Variants in SASH1 observed in about 807,000 individuals in gnomAD.
SASH1 encodes the protein SAM and SH3 domain containing 1.
SASH1 carries 44 observed loss-of-function variants against 125.2 expected under a neutral mutation model. The observed-to-expected ratio is 0.35, with a 90% CI of 0.28 to 0.45. The LOEUF is 0.45. SASH1 is among the 20% of genes least tolerant of loss of function. The probability of loss-of-function intolerance (pLI) is 1.00; values close to 1 mark genes in which losing one functional copy is unlikely to be tolerated. For missense variants in SASH1, 1,426 were observed against 1,614.5 expected, an observed-to-expected ratio of 0.88 and a Z score of 2.00; for synonymous variants, 639 against 649.1, an observed-to-expected ratio of 0.98 and a Z score of 0.24.
chr6:148,265,635 A>C, the SASH1 span, among the ~76,000 whole-genome samples: 1 of 152,314 alleles, frequency 6.6e-6, no homozygotes, highest in East Asian at 1.9e-4. Context: ...AGCATTGATT[A>C]ATGTTCCAAC....
chr6:148,411,166 CAAAAAAAAAAAAA>C lies in SASH1; in HGVS notation c.285+20922_285+20934del, dbSNP rs56342457. On this transcript the variant is annotated intron_variant, in intron 2 of 19. Coordinates refer to ENST00000367467, the MANE Select transcript of SASH1 (RefSeq NM_015278.5). ...TACAACAAGAGCGAAACTCCATCTC[CAAAAAAAAAAAAA>C]AAAAAAAAAAAAAAAAAGGCCTTCC... 0.014 allele frequency among the ~76,000 whole-genome samples: 628 copies of C among 46,216 alleles called. 45 individuals carry two copies. The East Asian group carries it at 0.23, about 17-fold the overall frequency. 30.3% of individuals were successfully genotyped at this position (46,216 alleles called of 152,430 possible).
At chr6:148,402,847 G>C (rs953701215) in intron 2 of SASH1, among the ~76,000 whole-genome samples, 2 of 151,976 alleles carry the variant, frequency 1.3e-5, no homozygotes, top group Non-Finnish European at 2.9e-5. Flanking sequence ...CTGACCTCGT[G>C]ATCTGCCTGT....
intron 1 of SASH1, among the ~76,000 whole-genome samples, chr6:148,327,992 C>T (rs1410852929): frequency 6.7e-6 from 1 of 149,934 alleles, no homozygotes; most frequent in African/African-American, 2.5e-5. Context: ...AAAAAGTAAA[C>T]TGAGTGGCAA....
chr6:148,539,019 G>A (rs1284341991), intron 16 of SASH1, among the ~76,000 whole-genome samples: 2 of 151,834 alleles, frequency 1.3e-5, no homozygotes, highest in African/African-American at 2.4e-5. Flanking sequence ...TGCTGCTAGG[G>A]TGTTGAAGGC....
At chr6:148,363,210 C>A (rs1057137451) in intron 1 of SASH1, among the ~76,000 whole-genome samples, 1 of 152,224 alleles carries the variant, frequency 6.6e-6, no homozygotes, top group Non-Finnish European at 1.5e-5. Flanking sequence ...GTCCTCAATC[C>A]TTTGAATGCA....
At chr6:148,368,796 G>A (rs1044968253) in intron 1 of SASH1, among the ~76,000 whole-genome samples, 6 of 17,934 alleles carry the variant, frequency 3.3e-4, no homozygotes, top group Non-Finnish European at 5.7e-4. Context: ...ACACACACAC[G>A]GGGTTCTATT....
At chr6:148,535,640 C>T (rs1781797494) in intron 16 of SASH1, among the ~76,000 whole-genome samples, 1 of 152,206 alleles carries the variant, frequency 6.6e-6, no homozygotes, top group Non-Finnish European at 1.5e-5. Context: ...ACTGAGCTCA[C>T]AGCTTTTATG....
At chr6:148,266,122 A>G in the SASH1 span, among the ~76,000 whole-genome samples, 1 of 151,950 alleles carries the variant, frequency 6.6e-6, no homozygotes, top group Non-Finnish European at 1.5e-5. Context: ...GCAGGTGCCC[A>G]CCACCACGCC....
rs972059412 is a variant in SASH1, at chr6:148,540,619, T to C, written c.2209+63T>C. On this transcript the variant is annotated intron_variant, in intron 17 of 19. Coordinates refer to ENST00000367467, the MANE Select transcript of SASH1 (RefSeq NM_015278.5). ...AAGTACTGATTTCAAAGCACAGTTTTCTGCAAAAGGACGATTCTATTCCTG... is the reference window on the plus strand; with the variant it reads ...AAGTACTGATTTCAAAGCACAGTTTCCTGCAAAAGGACGATTCTATTCCTG... The C allele has an allele frequency of 3.8e-5, 47 of 1,234,088 alleles. No homozygotes were observed. In the East Asian group the frequency reaches 9.7e-4, roughly 25 times the overall value. 76.4% of individuals were successfully genotyped at this position (1,234,088 alleles called of 1,614,324 possible). A position where few individuals can be genotyped will look rare whatever the true frequency, so the allele number is the denominator to read the frequency against.
chr6:148,384,346 CT>C (rs1783271996), intron 1 of SASH1, among the ~76,000 whole-genome samples: 1 of 152,108 alleles, frequency 6.6e-6, no homozygotes, highest in South Asian at 2.1e-4. Flanking sequence ...AAGCAATAAA[CT>C]CCAGACCAGA....
chr6:148,371,012 G>C (rs1202850914), intron 1 of SASH1, among the ~76,000 whole-genome samples: 4 of 152,176 alleles, frequency 2.6e-5, no homozygotes, highest in Non-Finnish European at 5.9e-5. Context: ...CCAGTGCCTT[G>C]TGCTTACTGT....
At chr6:148,292,582 A>T (rs1331088589) in intron 1 of SASH1, among the ~76,000 whole-genome samples, 1 of 151,988 alleles carries the variant, frequency 6.6e-6, no homozygotes, top group Non-Finnish European at 1.5e-5. Context: ...TGTAAAGGGC[A>T]TGTTACTTAA....
chr6:148,346,534 G>A (rs760173874), intron 1 of SASH1, among the ~76,000 whole-genome samples: 1 of 151,896 alleles, frequency 6.6e-6, no homozygotes, highest in African/African-American at 2.4e-5. Flanking sequence ...GGAGGGCAGG[G>A]TCAGTGTCTT....
chr6:148,387,552 C>CCTTTCTTTCTTTTCTCTTT (rs1342402084), intron 1 of SASH1, among the ~76,000 whole-genome samples: 61 of 116,010 alleles, frequency 5.3e-4, no homozygotes, highest in East Asian at 4.7e-3. Flanking sequence ...CTTTTCTTTT[C>CCTTTCTTTCTTTTCTCTTT]CTTTCTTTCT....
At chr6:148,298,772 A>AGAAAG (rs1562312339) in intron 1 of SASH1, among the ~76,000 whole-genome samples, 1 of 100,238 alleles carries the variant, frequency 1.0e-5, no homozygotes, top group African/African-American at 4.3e-5. Context: ...GAGAAAGAAA[A>AGAAAG]AAGAAAGAAC....
chr6:148,231,952 C>A, the SASH1 span, among the ~76,000 whole-genome samples: 1 of 151,244 alleles, frequency 6.6e-6, no homozygotes, highest in Admixed American at 6.6e-5. Flanking sequence ...ATCGTCCAAC[C>A]ATACGAGATG....
chr6:148,303,822 T>TAAATA (rs1554231834), intron 1 of SASH1, among the ~76,000 whole-genome samples: 1 of 146,422 alleles, frequency 6.8e-6, no homozygotes, highest in African/African-American at 2.5e-5. Context: ...AATAAATAAA[T>TAAATA]AAATAAAATA....
intron 16 of SASH1, 149 bp from the exon 17 acceptor site, chr6:148,540,294 T>A (rs747589832): frequency 1.6e-6 from 1 of 620,400 alleles, no homozygotes; most frequent in Non-Finnish European, 2.9e-6. Context: ...GTGATCACAC[T>A]AGTTCATTTT....
rs1782469631 is a variant in SASH1, at chr6:148,544,935, A to T, written c.3348+117A>T. The T allele has an allele frequency of 1.0e-6, 1 of 960,394 alleles. No individual in the cohort carries two copies. The highest frequency in any genetic ancestry group is 1.5e-6 in the Non-Finnish European group (1 of 661,582). The allele number at this position is 960,394 out of a possible 1,614,324, so 59.5% of individuals were successfully genotyped here. On this transcript the variant is annotated intron_variant, in intron 18 of 19. Coordinates refer to ENST00000367467, the MANE Select transcript of SASH1 (RefSeq NM_015278.5). The surrounding 1 kb of genome is among the most constrained non-coding windows in gnomAD (Gnocchi z 6.4). ...CGGTAGCCCGCCCAGTGGACAGGAGACACCTGAATCCACGTGTCCACACCT... is the reference window on the plus strand; with the variant it reads ...CGGTAGCCCGCCCAGTGGACAGGAGTCACCTGAATCCACGTGTCCACACCT...
Sources: gnomAD v4.1 joint callset for allele counts (sites outside exome capture counted in the v4.1 genomes callset) on GRCh38, gnomAD v4.1.1 for gene constraint, Gnocchi (gnomAD v3.1) non-coding constraint, MANE v1.5 for transcripts, NCBI Gene and HGNC (gene_info 2026-07-23, HGNC 2026-07-21) for gene names.